ALKBH3: variants seen among roughly 807,000 people sequenced by gnomAD.
ALKBH3 encodes the protein alkB homolog 3, alpha-ketoglutarate dependent dioxygenase.
Under a neutral mutation model 43.9 loss-of-function variants are expected in ALKBH3, and 51 were observed. The ratio of observed to expected loss-of-function variants is 1.16; its 90% CI spans 0.93 to 1.47. The LOEUF (loss-of-function observed/expected upper bound fraction) is 1.47. Ranked by LOEUF, ALKBH3 falls within the 40% of genes most tolerant of loss-of-function variation. The pLI, the probability that ALKBH3 is intolerant of heterozygous loss-of-function variation, is 0.00. For missense variants in ALKBH3, 361 were observed against 351.9 expected (o/e 1.03, Z -0.21); for synonymous variants, 102 against 115.2 (o/e 0.89, Z 0.73).
At chr11:43,899,017 T>A (rs1237270784) in intron 7 of ALKBH3, 6 of 752,160 alleles carry the variant, frequency 8.0e-6, no homozygotes, top group Non-Finnish European at 1.5e-5. Context: ...GCAAGCATCT[T>A]CAAAGGAGCC....
chr11:43,903,002 GTT>G (rs1276018520), intron 8 of ALKBH3, among the ~76,000 whole-genome samples: 1 of 152,204 alleles, frequency 6.6e-6, no homozygotes, highest in African/African-American at 2.4e-5. Flanking sequence ...CAGACTGAGT[GTT>G]TTCCTGGTGT....
chr11:43,912,755 A>C (rs1189775107), intron 8 of ALKBH3, among the ~76,000 whole-genome samples: 1 of 152,238 alleles, frequency 6.6e-6, no homozygotes, highest in African/African-American at 2.4e-5. Flanking sequence ...TTTATTTTTT[A>C]AAATCTTAAT....
Position 43,913,507 on chromosome 11 carries a change from ACCTTGGAGGAG to A in ALKBH3, c.670-5527_670-5517del, listed in dbSNP as rs1951958041. ...TTTAAAACTCTGTCCATTGCTTGAA[ACCTTGGAGGAG>A]CCTATGCTACAATCAGTTGCTAACT... On this transcript the variant is annotated intron_variant, in intron 8 of 9. Coordinates refer to ENST00000302708, the MANE Select transcript of ALKBH3 (RefSeq NM_139178.4). 3.3e-5 allele frequency among the ~76,000 whole-genome samples: 5 copies of A among 152,202 alleles called. No homozygotes were observed. The South Asian group carries it at 1.0e-3, about 32-fold the overall frequency.
chr11:43,906,636 C>T (rs1951897842), intron 8 of ALKBH3, among the ~76,000 whole-genome samples: 2 of 152,132 alleles, frequency 1.3e-5, no homozygotes, highest in African/African-American at 4.8e-5. Flanking sequence ...ATCCCTTGAG[C>T]TCAGGAGTTT....
In ALKBH3 at chr11:43,886,605, G is replaced by A. The variant is rs1951748365; in HGVS notation, c.219-1G>A. 1.2e-6 allele frequency: 2 copies of A among 1,614,112 alleles called. No homozygotes were observed. The highest frequency in any genetic ancestry group is 1.7e-6 in the Non-Finnish European group (2 of 1,179,986). ...CAAGTCTGTTTCCTTTGTTTCTTTAGCAGAGAGGGTGTGTATGAAATCAGC... is the reference window on the plus strand; with the variant it reads ...CAAGTCTGTTTCCTTTGTTTCTTTAACAGAGAGGGTGTGTATGAAATCAGC... On this transcript the variant is annotated splice_acceptor_variant, in intron 4 of 9. Coordinates refer to ENST00000302708, the MANE Select transcript of ALKBH3 (RefSeq NM_139178.4). LOFTEE classifies it high-confidence loss of function.
chr11:43,892,991 G>C (rs1951794434), intron 7 of ALKBH3, among the ~76,000 whole-genome samples: 1 of 152,222 alleles, frequency 6.6e-6, no homozygotes, highest in Admixed American at 6.5e-5. Flanking sequence ...GAAGTGCCGA[G>C]ACCCTTTATA....
At position 43,901,614 on chromosome 11, in the gene ALKBH3, C is replaced by T. The variant is rs1377148317; in HGVS notation, c.558C>T (p.Asp186=). 13 of 1,614,254 alleles carry T rather than the reference C, an allele frequency of 8.1e-6. No homozygotes were observed. The highest frequency in any genetic ancestry group is 1.1e-5 in the Non-Finnish European group (13 of 1,180,044). ...GCAATCTTTATCGCAATGAGAAGGA[C>T]AGCGTGGACTGGCACAGTGATGATG... ...LLCNLYRNEK[D]SVDWHSDDEP... The change falls in exon 8 of 10, where the codon GAC becomes GAT. Residue 186 remains aspartate, a synonymous_variant. Coordinates refer to ENST00000302708, the MANE Select transcript of ALKBH3 (RefSeq NM_139178.4).
At chr11:43,896,994 C>T (rs1380149331) in intron 7 of ALKBH3, among the ~76,000 whole-genome samples, 1 of 151,740 alleles carries the variant, frequency 6.6e-6, no homozygotes, top group African/African-American at 2.4e-5. Flanking sequence ...CTAGAGTGAG[C>T]ACAGTGGCTC....
In ALKBH3 at chr11:43,888,283, G is replaced by A. The variant is rs1951759967; in HGVS notation, c.267-1442G>A. 5.3e-5 allele frequency among the ~76,000 whole-genome samples: 2 copies of A among 38,002 alleles called. 1 individual carries two copies. Among genetic ancestry groups the A allele is most frequent in the Non-Finnish European group, 1.5e-4 (2 of 13,264 alleles). 24.9% of individuals were successfully genotyped at this position (38,002 alleles called of 152,430 possible). On this transcript the variant is annotated intron_variant, in intron 5 of 9. Transcript: ENST00000302708. ...ATTTTGTATTTTTGTTTGTTTGTTT[G>A]TTAGTGATGGGGTTTCGCCATGTTG...
chr11:43,912,247 A>C (rs1951945660), intron 8 of ALKBH3: 1 of 152,266 alleles, frequency 6.6e-6, no homozygotes, highest in Non-Finnish European at 1.5e-5. Context: ...CAAAGGATAA[A>C]ATAGAAACTC....
chr11:43,907,231 G>T (rs552584528), intron 8 of ALKBH3, among the ~76,000 whole-genome samples: 4 of 152,016 alleles, frequency 2.6e-5, no homozygotes, highest in African/African-American at 9.7e-5. Context: ...GTGTGTGTGC[G>T]TGTGTGTGTT....
In ALKBH3 at chr11:43,886,454, C is replaced by T. The variant is rs1951746973; in HGVS notation, c.219-152C>T. 4.6e-6 allele frequency: 3 copies of T among 657,324 alleles called. No individual in the cohort carries two copies. The Admixed American group carries it at 8.3e-5, about 18-fold the overall frequency. The allele number at this position is 657,324 out of a possible 1,614,324, so 40.7% of individuals were successfully genotyped here. ...CATTAATGATATACCATGATCTTCT[C>T]AGTGGTAGAAGAAGGTGGGGATTAT... is the stretch of plus-strand genomic sequence containing the variant. On this transcript the variant is annotated intron_variant, in intron 4 of 9. Coordinates refer to ENST00000302708, the MANE Select transcript of ALKBH3 (RefSeq NM_139178.4).
chr11:43,884,683 T>C (rs1353362248), intron 4 of ALKBH3, among the ~76,000 whole-genome samples: 1 of 152,254 alleles, frequency 6.6e-6, no homozygotes, highest in Non-Finnish European at 1.5e-5. Flanking sequence ...TTTGTTATGC[T>C]GTTTGACTGC....
rs535453828 is a variant in ALKBH3 at position 43,898,561 on chromosome 11, T to A, written c.460-2955T>A. ...CATAAATGAAGAAGAGCTAAGGCGA[T>A]GTGAAGAGAATACAAAAGTCTTTGT... On this transcript the variant is annotated intron_variant, in intron 7 of 9. Coordinates refer to ENST00000302708, the MANE Select transcript of ALKBH3 (RefSeq NM_139178.4). The A allele has an allele frequency of 7.4e-5, 57 of 769,080 alleles. 1 individual carries two copies. In the South Asian group the frequency reaches 7.5e-4, roughly 10 times the overall value. 47.6% of individuals were successfully genotyped at this position (769,080 alleles called of 1,614,324 possible).
At chr11:43,899,340 C>T in intron 7 of ALKBH3, 1 of 696,210 alleles carries the variant, frequency 1.4e-6, no homozygotes, top group Non-Finnish European at 2.7e-6. Context: ...CACAGCATGC[C>T]CGTGTGCACC....
chr11:43,913,177 A>T (rs938260627), intron 8 of ALKBH3, among the ~76,000 whole-genome samples: 24 of 150,644 alleles, frequency 1.6e-4, no homozygotes, highest in African/African-American at 5.6e-4. Flanking sequence ...ATGTGTACAG[A>T]CAGCTTCATT....
chr11:43,882,865 T>C lies in ALKBH3; in HGVS notation c.79+134T>C. ...GAATTGTTTAAAATGTGGCTGATAT[T>C]TTGTCCGATTTTGTTGATGGTGAGC... On this transcript the variant is annotated intron_variant, in intron 2 of 9. Coordinates refer to ENST00000302708, the MANE Select transcript of ALKBH3 (RefSeq NM_139178.4). The C allele has an allele frequency of 2.8e-6, 3 of 1,083,244 alleles. 1 individual carries two copies. The South Asian group carries it at 5.1e-5, about 19-fold the overall frequency. The allele number at this position is 1,083,244 out of a possible 1,614,324, so 67.1% of individuals were successfully genotyped here.
chr11:43,881,143 T>A lies in ALKBH3; in HGVS notation c.-107T>A, dbSNP rs1383741477. ...GCACCTCAACCGTGCGGAAAGTGAC[T>A]GCCCTGTTTACTGAGGAAAAACTGG... On this transcript the variant is annotated 5_prime_UTR_variant, in exon 1 of 10. Coordinates refer to ENST00000302708, the MANE Select transcript of ALKBH3 (RefSeq NM_139178.4). 2 of 152,372 alleles carry A rather than the reference T, an allele frequency of 1.3e-5. No homozygotes were observed. The highest frequency in any genetic ancestry group is 4.8e-5 in the African/African-American group (2 of 41,476). 9.4% of individuals were successfully genotyped at this position (152,372 alleles called of 1,614,324 possible).
chr11:43,899,977 G>A (rs1265852865), intron 7 of ALKBH3, among the ~76,000 whole-genome samples: 5 of 151,282 alleles, frequency 3.3e-5, no homozygotes, highest in African/African-American at 7.3e-5. Context: ...ATACCTATGT[G>A]AAGCCAATTT....
Sources: gnomAD v4.1 joint callset for allele counts (sites outside exome capture counted in the v4.1 genomes callset) on GRCh38, gnomAD v4.1.1 for gene constraint, MANE v1.5 for transcripts, NCBI Gene and HGNC (gene_info 2026-07-23, HGNC 2026-07-21) for gene names.